LY86: variants seen among roughly 807,000 people sequenced by gnomAD.
LY86 encodes lymphocyte antigen 86.
LY86 carries 20 observed loss-of-function variants against 17.3 expected under a neutral mutation model. The ratio of observed to expected loss-of-function variants is 1.15; its 90% CI spans 0.81 to 1.68. LY86 has a LOEUF of 1.68. Ranked by LOEUF, LY86 falls within the 40% of genes most tolerant of loss-of-function variation. LY86 has a pLI of 0.00. For missense variants in LY86, 200 were observed against 191.9 expected (o/e 1.04, Z -0.25); for synonymous variants, 74 against 70.6 (o/e 1.05, Z -0.24).
At chr6:6,604,777 G>A (rs972068392) in intron 1 of LY86, among the ~76,000 whole-genome samples, 2 of 150,988 alleles carry the variant, frequency 1.3e-5, no homozygotes, top group Admixed American at 6.6e-5. Context: ...CAGTTTCCCA[G>A]AGATTCGTAA....
At chr6:6,600,790 G>A (rs1760884445) in intron 1 of LY86, among the ~76,000 whole-genome samples, 1 of 151,950 alleles carries the variant, frequency 6.6e-6, no homozygotes, top group Non-Finnish European at 1.5e-5. Context: ...GGGATCATTT[G>A]CCACGGGTCT....
chr6:6,647,709 G>C (rs1303666172), intron 3 of LY86, among the ~76,000 whole-genome samples: 2 of 152,090 alleles, frequency 1.3e-5, no homozygotes, highest in Non-Finnish European at 2.9e-5. Flanking sequence ...AGTCTCCTTG[G>C]TTGGCTTCTC....
At chr6:6,610,149 G>C (rs547173415) in intron 1 of LY86, among the ~76,000 whole-genome samples, 1 of 152,294 alleles carries the variant, frequency 6.6e-6, no homozygotes, top group Admixed American at 6.5e-5. Flanking sequence ...GCGAACACGT[G>C]CGTGCGTGTG....
chr6:6,641,941 G>A (rs1762046267), intron 3 of LY86, among the ~76,000 whole-genome samples: 1 of 152,236 alleles, frequency 6.6e-6, no homozygotes, highest in Non-Finnish European at 1.5e-5. Context: ...CTGGGGAACC[G>A]CAGCGTGTGC....
chr6:6,652,719 C>CCCTGGCCT (rs1483305611), intron 4 of LY86, among the ~76,000 whole-genome samples: 2 of 152,242 alleles, frequency 1.3e-5, no homozygotes, highest in African/African-American at 4.8e-5. Flanking sequence ...TCCTTCCCTA[C>CCCTGGCCT]CCTGGCCTCC....
intron 1 of LY86, among the ~76,000 whole-genome samples, chr6:6,616,667 T>A (rs905322760): frequency 1.4e-4 from 21 of 152,366 alleles, no homozygotes; most frequent in African/African-American, 4.6e-4. Flanking sequence ...ATCCATCATA[T>A]TCCACAACAT....
At chr6:6,653,714 C>A (rs375713896) in intron 4 of LY86, among the ~76,000 whole-genome samples, 2 of 152,240 alleles carry the variant, frequency 1.3e-5, no homozygotes, top group African/African-American at 4.8e-5. Context: ...TCTGTCTGAG[C>A]ATACAAACCT....
At chr6:6,590,140 A>G (rs1374123943) in intron 1 of LY86, among the ~76,000 whole-genome samples, 1 of 149,276 alleles carries the variant, frequency 6.7e-6, no homozygotes, top group East Asian at 2.0e-4. Flanking sequence ...AAAAAAAAAA[A>G]AAGACCCTAT....
rs1209309039 is a variant in LY86, at chr6:6,588,792, G to A, written c.58G>A (p.Gly20Arg). 5 of 1,614,200 alleles carry A rather than the reference G, an allele frequency of 3.1e-6. No homozygotes were observed. In the Admixed American group the frequency reaches 5.0e-5, roughly 16 times the overall value. The change falls in exon 1 of 5, where the codon GGA becomes AGA. Residue 20 changes from glycine (G) to arginine (R), a missense_variant. Transcript: ENST00000230568. ...GACTCTGATTTTTCCCAGCTGCAGT[G>A]GAGGCGGCGGTGGGAAAGCCTGGCC... is the stretch of plus-strand genomic sequence containing the variant. The part of the protein sequence containing the change: ...LWTLIFPSCS[G>R]GGGGKAWPTH...
chr6:6,647,764 C>T (rs1490044118), intron 3 of LY86, among the ~76,000 whole-genome samples: 1 of 152,164 alleles, frequency 6.6e-6, no homozygotes, highest in African/African-American at 2.4e-5. Flanking sequence ...GAGGTCCTGT[C>T]CTCTCCTCTG....
intron 1 of LY86, among the ~76,000 whole-genome samples, chr6:6,596,148 A>G (rs1415920066): frequency 2.6e-5 from 4 of 152,228 alleles, no homozygotes; most frequent in African/African-American, 9.6e-5. Context: ...ATGTGCCTGA[A>G]TCATCCATCA....
chr6:6,647,815 T>A (rs971347672), intron 3 of LY86, among the ~76,000 whole-genome samples: 3 of 152,162 alleles, frequency 2.0e-5, no homozygotes, highest in Admixed American at 2.0e-4. Flanking sequence ...AGGCATCTCA[T>A]CCTGTCCCAT....
chr6:6,615,464 G>A (rs925200985), intron 1 of LY86, among the ~76,000 whole-genome samples: 8 of 152,202 alleles, frequency 5.3e-5, no homozygotes, highest in African/African-American at 1.7e-4. Context: ...GCTCACGCCT[G>A]TAATCCCAGC....
At chr6:6,609,572 A>G (rs992623154) in intron 1 of LY86, among the ~76,000 whole-genome samples, 3 of 152,218 alleles carry the variant, frequency 2.0e-5, no homozygotes, top group African/African-American at 7.2e-5. Flanking sequence ...GGCCACATTC[A>G]GAAGCACTGT....
At chr6:6,618,585 T>C (rs1055524106) in intron 1 of LY86, among the ~76,000 whole-genome samples, 9 of 152,252 alleles carry the variant, frequency 5.9e-5, no homozygotes, top group Admixed American at 5.2e-4. Context: ...TCACAAATAG[T>C]CGATATTCCA....
chr6:6,600,175 G>A (rs186776188), intron 1 of LY86, among the ~76,000 whole-genome samples: 99 of 152,284 alleles, frequency 6.5e-4, no homozygotes, highest in Non-Finnish European at 1.2e-3. Context: ...CATTTTCATA[G>A]GGCAGTGAAA....
At chr6:6,597,520 T>C (rs1018570225) in intron 1 of LY86, among the ~76,000 whole-genome samples, 2 of 152,196 alleles carry the variant, frequency 1.3e-5, no homozygotes, top group South Asian at 2.1e-4. Context: ...AGGGATGCCA[T>C]GTAAGGCAAT....
At chr6:6,607,207 T>G (rs2113107562) in intron 1 of LY86, among the ~76,000 whole-genome samples, 1 of 152,346 alleles carries the variant, frequency 6.6e-6, no homozygotes, top group African/African-American at 2.4e-5. Flanking sequence ...CAATGTTTAT[T>G]TATGCAAGAC....
chr6:6,613,332 C>T (rs1029924601), intron 1 of LY86, among the ~76,000 whole-genome samples: 5 of 152,258 alleles, frequency 3.3e-5, no homozygotes, highest in South Asian at 2.1e-4. Flanking sequence ...CAGGGTGGCG[C>T]TGCTCGTCGG....
Sources: allele counts gnomAD v4.1 joint callset (sites outside exome capture counted in the v4.1 genomes callset), GRCh38; gene constraint gnomAD v4.1.1; transcripts MANE v1.5; gene names NCBI Gene and HGNC (gene_info 2026-07-23, HGNC 2026-07-21).